The following GRIA2 variants were observed in gnomAD, a reference collection of about 807,000 sequenced individuals.
GRIA2 encodes glutamate ionotropic receptor AMPA type subunit 2.
GRIA2 carries 14 observed loss-of-function variants against 97.3 expected under a neutral mutation model. The ratio of observed to expected loss-of-function variants is 0.14; its 90% CI spans 0.10 to 0.23. The LOEUF (loss-of-function observed/expected upper bound fraction) is 0.23, where lower values mean the gene tolerates loss of function less well. Among genes scored for constraint, GRIA2 ranks in the 10% least tolerant of loss-of-function variants. The probability of loss-of-function intolerance (pLI) is 1.00; values close to 1 mark genes in which losing one functional copy is unlikely to be tolerated. For missense variants in GRIA2, 558 were observed against 1,069.8 expected, an observed-to-expected ratio of 0.52 and a Z score of 6.67; for synonymous variants, 412 against 387.8, an observed-to-expected ratio of 1.06 and a Z score of -0.73.
intron 2 of GRIA2, among the ~76,000 whole-genome samples, chr4:157,262,809 A>T (rs1190215780): frequency 6.6e-6 from 1 of 152,050 alleles, no homozygotes; most frequent in Non-Finnish European, 1.5e-5. Context: ...AAAGTACCGA[A>T]GTCACCATAA....
intron 2 of GRIA2, among the ~76,000 whole-genome samples, chr4:157,238,599 A>C (rs966482176): frequency 1.3e-5 from 2 of 152,100 alleles, no homozygotes; most frequent in African/African-American, 4.8e-5. Flanking sequence ...TATTCACACC[A>C]ATCATTTCTT....
At chr4:157,309,898 A>G (rs1375159866) in intron 3 of GRIA2, among the ~76,000 whole-genome samples, 1 of 152,212 alleles carries the variant, frequency 6.6e-6, no homozygotes, top group Non-Finnish European at 1.5e-5. Context: ...GGTAATTTCT[A>G]TATGGTAATA....
intron 3 of GRIA2, among the ~76,000 whole-genome samples, chr4:157,306,353 T>A (rs1733845498): frequency 6.6e-6 from 1 of 152,180 alleles, no homozygotes. Context: ...TACGTACTTG[T>A]GAAAAAAATC....
chr4:157,238,881 A>G (rs1730369185), intron 2 of GRIA2, among the ~76,000 whole-genome samples: 1 of 152,094 alleles, frequency 6.6e-6, no homozygotes, highest in African/African-American at 2.4e-5. Context: ...ATTCTTACCT[A>G]TTTGATACCT....
At chr4:157,344,817 T>C (rs190294955) in intron 12 of GRIA2, among the ~76,000 whole-genome samples, 26 of 152,230 alleles carry the variant, frequency 1.7e-4, no homozygotes, top group Admixed American at 1.4e-3. Context: ...AGTTAGGTCA[T>C]TGTCTACATT....
At chr4:157,254,074 C>T (rs1379333015) in intron 2 of GRIA2, among the ~76,000 whole-genome samples, 2 of 150,924 alleles carry the variant, frequency 1.3e-5, no homozygotes, top group Admixed American at 6.6e-5. Flanking sequence ...AAATGAGAGA[C>T]ATTAATGCTC....
At chr4:157,350,016 CT>C (rs1735938749) in intron 12 of GRIA2, among the ~76,000 whole-genome samples, 1 of 152,092 alleles carries the variant, frequency 6.6e-6, no homozygotes, top group South Asian at 2.1e-4. Context: ...CCAAACAATT[CT>C]TGAATGTACC....
At chr4:157,349,430 T>C (rs1735905996) in intron 12 of GRIA2, among the ~76,000 whole-genome samples, 1 of 151,674 alleles carries the variant, frequency 6.6e-6, no homozygotes, top group Non-Finnish European at 1.5e-5. Flanking sequence ...TCTTCCTTCT[T>C]TCCTTCCTTC....
intron 3 of GRIA2, among the ~76,000 whole-genome samples, chr4:157,308,636 A>G (rs994355244): frequency 6.6e-6 from 1 of 152,218 alleles, no homozygotes; most frequent in African/African-American, 2.4e-5. Flanking sequence ...GAGTTGAATA[A>G]CTATTGCATA....
intron 2 of GRIA2, chr4:157,249,652 G>A (rs763254797): frequency 3.9e-5 from 6 of 152,122 alleles, no homozygotes; most frequent in African/African-American, 9.7e-5. Context: ...TAGTAGTCTC[G>A]TTCCTCAGTG....
intron 12 of GRIA2, among the ~76,000 whole-genome samples, chr4:157,353,279 G>T (rs1445726317): frequency 6.6e-6 from 1 of 152,126 alleles, no homozygotes; most frequent in African/African-American, 2.4e-5. Context: ...TTGAACCTGG[G>T]AGGTGGAGGT....
intron 2 of GRIA2, among the ~76,000 whole-genome samples, chr4:157,230,434 G>A (rs1365721432): frequency 1.3e-5 from 2 of 152,174 alleles, no homozygotes; most frequent in Non-Finnish European, 2.9e-5. Flanking sequence ...AAAACTCTAA[G>A]AGGCAGCATA....
chr4:157,308,577 G>A (rs1304368760), intron 3 of GRIA2, among the ~76,000 whole-genome samples: 1 of 152,156 alleles, frequency 6.6e-6, no homozygotes, highest in African/African-American at 2.4e-5. Context: ...AAATAAGTGA[G>A]TCTCTGCTAT....
chr4:157,331,716 T>C (rs1735056390), intron 6 of GRIA2, among the ~76,000 whole-genome samples: 1 of 151,962 alleles, frequency 6.6e-6, no homozygotes, highest in Non-Finnish European at 1.5e-5. Flanking sequence ...GGCTTATCTT[T>C]TTTCCATGAC....
chr4:157,362,207 A>C (rs1019280859), intron 14 of GRIA2, among the ~76,000 whole-genome samples: 1 of 152,126 alleles, frequency 6.6e-6, no homozygotes, highest in African/African-American at 2.4e-5. Context: ...AAACATGTCC[A>C]AAGCCTACTT....
intron 2 of GRIA2, among the ~76,000 whole-genome samples, chr4:157,297,721 TTTAGA>T (rs1165760629): frequency 1.3e-5 from 2 of 152,132 alleles, no homozygotes; most frequent in African/African-American, 4.8e-5. Context: ...TATTTAATTG[TTTAGA>T]TTAAAGTAAT....
chr4:157,242,271 T>C (rs1450471843), intron 2 of GRIA2, among the ~76,000 whole-genome samples: 1 of 152,096 alleles, frequency 6.6e-6, no homozygotes, highest in East Asian at 1.9e-4. Context: ...AACAGATAGA[T>C]ATTCAGTGGA....
chr4:157,228,078 C>T (rs961463893), intron 2 of GRIA2, among the ~76,000 whole-genome samples: 4 of 152,074 alleles, frequency 2.6e-5, no homozygotes, highest in South Asian at 2.1e-4. Context: ...TTAAAATTAA[C>T]GAGGAGAATG....
At chr4:157,297,656 T>A (rs1343573372) in intron 2 of GRIA2, among the ~76,000 whole-genome samples, 5 of 152,164 alleles carry the variant, frequency 3.3e-5, no homozygotes, top group Admixed American at 2.0e-4. Flanking sequence ...AGCTGCTGTT[T>A]CTGAGGTCAG....
Sources: allele counts gnomAD v4.1 joint callset (sites outside exome capture counted in the v4.1 genomes callset), GRCh38; gene constraint gnomAD v4.1.1; transcripts MANE v1.5; gene names NCBI Gene and HGNC (gene_info 2026-07-23, HGNC 2026-07-21).